ABCC1: variants seen among roughly 807,000 people sequenced by gnomAD.
ABCC1 encodes multidrug resistance-associated protein 1.
Under a neutral mutation model 172.9 loss-of-function variants are expected in ABCC1, and 83 were observed. That is an observed-to-expected ratio of 0.48 (90% confidence interval 0.40 to 0.58). The LOEUF (loss-of-function observed/expected upper bound fraction) is 0.58. ABCC1 is among the 20% of genes least tolerant of loss of function. ABCC1 has a pLI of 0.00. For missense variants in ABCC1, 1,817 were observed against 2,002.7 expected, an observed-to-expected ratio of 0.91 and a Z score of 1.77; for synonymous variants, 937 against 825.2, an observed-to-expected ratio of 1.14 and a Z score of -2.32.
intron 12 of ABCC1, 97 bp downstream of exon 12, chr16:16,056,392 G>T: frequency 1.5e-6 from 2 of 1,375,934 alleles, no homozygotes; most frequent in Non-Finnish European, 2.0e-6. Flanking sequence ...TTGCCCAGGT[G>T]CAGTGGCTCA....
intron 1 of ABCC1, among the ~76,000 whole-genome samples, chr16:15,983,552 CTTTT>C (rs11416710): frequency 1.6e-5 from 2 of 126,552 alleles, no homozygotes; most frequent in Non-Finnish European, 1.6e-5. Context: ...GTACACCACA[CTTTT>C]TTTTTTTTTT....
intron 18 of ABCC1, 152 bp from the exon 19 acceptor site, chr16:16,090,253 A>G: frequency 1.5e-6 from 1 of 682,048 alleles, no homozygotes; most frequent in Admixed American, 3.3e-5. Context: ...CTGCTCCTGG[A>G]TGCTGTTATC....
intron 15 of ABCC1, among the ~76,000 whole-genome samples, chr16:16,078,827 C>T (rs2050691727): frequency 6.6e-6 from 1 of 152,174 alleles, no homozygotes; most frequent in Non-Finnish European, 1.5e-5. Context: ...CAGGCCCTGC[C>T]ACCACCACGC....
At chr16:15,957,594 A>G (rs559869238) in intron 1 of ABCC1, among the ~76,000 whole-genome samples, 5 of 151,796 alleles carry the variant, frequency 3.3e-5, no homozygotes, top group Non-Finnish European at 7.4e-5. Context: ...GTGATTTCCA[A>G]TTTTATTTAT....
rs528812658 is a variant in ABCC1 at position 16,009,743 on chromosome 16, C to G, written c.226-33C>G. 5.1e-4 allele frequency: 792 copies of G among 1,557,300 alleles called. 14 individuals are homozygous for G. The South Asian group carries it at 8.9e-3, about 18-fold the overall frequency. ...GCCCTGGGGGAGGTTCCAGGGCGGT[C>G]TGTTGTAGGATATGTATGTGCTTCT... On this transcript the variant is annotated intron_variant, in intron 2 of 30. Transcript: ENST00000399410.
At chr16:16,098,749 T>C in intron 19 of ABCC1, 1 of 841,500 alleles carries the variant, frequency 1.2e-6, no homozygotes, top group Non-Finnish European at 1.8e-6. Context: ...AGCAGACCCT[T>C]CAGCCATTCT....
At chr16:16,012,051 C>T (rs1035200878) in intron 3 of ABCC1, among the ~76,000 whole-genome samples, 4 of 152,212 alleles carry the variant, frequency 2.6e-5, no homozygotes, top group African/African-American at 4.8e-5. Context: ...ATCCTCCTGT[C>T]TGGGCCTCCT....
chr16:15,950,898 C>T lies in ABCC1; in HGVS notation c.48+1099C>T, dbSNP rs537833810. Among the ~76,000 whole-genome samples the T allele has an allele frequency of 6.6e-5, 10 of 152,256 alleles. No individual in the cohort carries two copies. The South Asian group carries it at 1.9e-3, about 28-fold the overall frequency. On this transcript the variant is annotated intron_variant, in intron 1 of 30. Transcript: ENST00000399410. ...TTTGGAGTGTTGAAAAGTCATCCTC[C>T]AGGGCCCCATTGGAGGGTTTGGTTT...
intron 1 of ABCC1, among the ~76,000 whole-genome samples, chr16:15,996,053 C>T (rs1019207469): frequency 7.2e-4 from 104 of 143,900 alleles, no homozygotes; most frequent in African/African-American, 2.6e-3. Context: ...GGCCTGATCT[C>T]GGCTCACCAC....
At chr16:15,955,346 A>G (rs956717291) in intron 1 of ABCC1, among the ~76,000 whole-genome samples, 1 of 151,384 alleles carries the variant, frequency 6.6e-6, no homozygotes, top group Admixed American at 6.6e-5. Context: ...TGACAGTGAG[A>G]CTCTGTCTCA....
At chr16:15,954,452 G>C (rs562219109) in intron 1 of ABCC1, among the ~76,000 whole-genome samples, 10 of 152,204 alleles carry the variant, frequency 6.6e-5, no homozygotes, top group Admixed American at 5.9e-4. Context: ...ACCCCATTTC[G>C]TGGATGTGGA....
At chr16:16,043,242 T>C (rs868745344) in intron 7 of ABCC1, among the ~76,000 whole-genome samples, 1 of 138,568 alleles carries the variant, frequency 7.2e-6, no homozygotes, top group African/African-American at 2.7e-5. Context: ...TTTTTTTTTT[T>C]TCCACTGATG....
intron 3 of ABCC1, among the ~76,000 whole-genome samples, chr16:16,010,915 A>G (rs1437893577): frequency 6.6e-6 from 1 of 152,142 alleles, no homozygotes; most frequent in Non-Finnish European, 1.5e-5. Context: ...GAGTTCTCGG[A>G]GAGTGTAGCC....
intron 2 of ABCC1, 26 bp downstream of exon 2, chr16:16,008,018 G>T (rs8187843): frequency 3.8e-5 from 22 of 577,670 alleles, no homozygotes; most frequent in East Asian, 1.4e-4. Context: ...GTTTCGTTGT[G>T]GGGGGTGGGA....
At chr16:15,951,985 C>T (rs1033083988) in intron 1 of ABCC1, among the ~76,000 whole-genome samples, 3 of 151,842 alleles carry the variant, frequency 2.0e-5, no homozygotes, top group South Asian at 4.2e-4. Flanking sequence ...CCTCTGTGCC[C>T]GGCTGTTTTT....
At chr16:15,980,432 T>A (rs571196048) in intron 1 of ABCC1, among the ~76,000 whole-genome samples, 1 of 152,208 alleles carries the variant, frequency 6.6e-6, no homozygotes, top group East Asian at 1.9e-4. Context: ...TCCACAGGGC[T>A]GGGGAGACCT....
chr16:16,123,817 GC>G (rs2045278356), intron 24 of ABCC1, among the ~76,000 whole-genome samples: 1 of 152,086 alleles, frequency 6.6e-6, no homozygotes, highest in African/African-American at 2.4e-5. Flanking sequence ...TTCGAGACCA[GC>G]CTGGGCACTC....
At chr16:16,106,031 C>G (rs993992671) in intron 20 of ABCC1, among the ~76,000 whole-genome samples, 1 of 152,028 alleles carries the variant, frequency 6.6e-6, no homozygotes, top group African/African-American at 2.4e-5. Flanking sequence ...TGCACGGTAC[C>G]ACGCCTGGCT....
rs1443023110 is a variant in ABCC1, at chr16:16,142,945, A to T, written c.*1664A>T. The T allele has an allele frequency of 6.6e-6, 1 of 152,580 alleles. No individual in the cohort carries two copies. Among genetic ancestry groups the T allele is most frequent in the African/African-American group, 2.4e-5 (1 of 41,444 alleles). 9.5% of individuals were successfully genotyped at this position (152,580 alleles called of 1,614,324 possible). A position where few individuals can be genotyped will look rare whatever the true frequency, so the allele number is the denominator to read the frequency against. On this transcript the variant is annotated 3_prime_UTR_variant, in exon 31 of 31. Transcript: ENST00000399410. ...GAAAACGCATATATTTATTTTTTGT[A>T]AGTTATACCATTCTTTCACATTAGA...
Sources: allele counts gnomAD v4.1 joint callset (sites outside exome capture counted in the v4.1 genomes callset), GRCh38; gene constraint gnomAD v4.1.1; transcripts MANE v1.5; gene names NCBI Gene and HGNC (gene_info 2026-07-23, HGNC 2026-07-21).